ARNT: variants seen among roughly 807,000 people sequenced by gnomAD.
ARNT encodes aryl hydrocarbon receptor nuclear translocator.
A neutral mutation model predicts 105.0 loss-of-function variants in ARNT; 30 were observed. The ratio of observed to expected loss-of-function variants is 0.29; its 90% CI spans 0.21 to 0.39. The LOEUF (loss-of-function observed/expected upper bound fraction) is 0.39, where lower values mean the gene tolerates loss of function less well. ARNT is among the 10% of genes least tolerant of loss of function. The pLI, the probability that ARNT is intolerant of heterozygous loss-of-function variation, is 1.00. For missense variants in ARNT, 748 were observed against 978.7 expected, an observed-to-expected ratio of 0.76 and a Z score of 3.15; for synonymous variants, 304 against 344.0, an observed-to-expected ratio of 0.88 and a Z score of 1.29.
At position 150,817,115 on chromosome 1, in the gene ARNT, T is replaced by C. The variant is rs760792350; in HGVS notation, c.1666A>G (p.Arg556Gly). The part of the protein sequence containing the change: ...DGLFAQDRDP[R>G]FSEIYHNINA... The stretch of plus-strand genomic sequence containing the variant: ...ATGTTGTGATAGATTTCTGAAAATC[T>C]TGGATCTCTATCCTGGGCAAATAAA... Residue 556 changes from arginine to glycine, a missense_variant, in exon 17 of 22, where the codon AGA becomes GGA. By Grantham distance (125) the Arg-to-Gly change is moderately radical (BLOSUM62 -2). Around this residue, in one of 4 missense-constraint regions of ARNT, gnomAD observed 360 missense variants for 411.9 expected, o/e 0.87. Coordinates refer to ENST00000358595, the MANE Select transcript of ARNT (RefSeq NM_001668.4). The C allele has an allele frequency of 6.2e-7, 1 of 1,614,212 alleles. No homozygotes were observed. The highest frequency in any genetic ancestry group is 8.5e-7 in the Non-Finnish European group (1 of 1,180,048).
intron 9 of ARNT, 96 bp from the exon 10 acceptor site, chr1:150,831,999 A>C (rs1659438267): frequency 1.2e-6 from 1 of 853,348 alleles, no homozygotes; most frequent in African/African-American, 1.7e-5. Flanking sequence ...TTATGCTCTT[A>C]GGAGTTTAGA....
intron 2 of ARNT, among the ~76,000 whole-genome samples, chr1:150,855,067 A>G (rs1187119389): frequency 6.6e-6 from 1 of 152,140 alleles, no homozygotes; most frequent in Non-Finnish European, 1.5e-5. Context: ...AAGTGCTGGC[A>G]CTACAGGTAT....
At chr1:150,843,730 C>T (rs116079458) in intron 4 of ARNT, among the ~76,000 whole-genome samples, 3 of 152,188 alleles carry the variant, frequency 2.0e-5, no homozygotes, top group Admixed American at 1.3e-4. Context: ...CCACCACTCC[C>T]GGCCTCTTAC....
intron 14 of ARNT, chr1:150,818,404 C>G (rs1261095418): frequency 6.3e-6 from 1 of 157,758 alleles, no homozygotes; most frequent in Non-Finnish European, 1.4e-5. Context: ...TTTATTCCTT[C>G]TCTTTGTATT....
At chr1:150,868,715 C>T (rs1666988172) in intron 1 of ARNT, among the ~76,000 whole-genome samples, 3 of 151,440 alleles carry the variant, frequency 2.0e-5, no homozygotes, top group Admixed American at 2.0e-4. Context: ...TCCTGGCCAA[C>T]ATGGTGAAAC....
Position 150,809,911 on chromosome 1 carries a change from G to C in ARNT, c.*2110C>G. The C allele has an allele frequency of 4.5e-6, 1 of 223,292 alleles. No individual in the cohort carries two copies. The highest frequency in any genetic ancestry group is 5.7e-5 in the Admixed American group (1 of 17,430). The allele number at this position is 223,292 out of a possible 1,614,324, so 13.8% of individuals were successfully genotyped here. ...GTGTCAGGATCAGGAGGACAAGTGA[G>C]GGGGGAGGCGTGCAATGTGATCAGA... On this transcript the variant is annotated 3_prime_UTR_variant, in exon 22 of 22. Transcript: ENST00000358595.
At chr1:150,848,831 C>G (rs1662759678) in intron 3 of ARNT, among the ~76,000 whole-genome samples, 1 of 152,132 alleles carries the variant, frequency 6.6e-6, no homozygotes, top group Admixed American at 6.5e-5. Context: ...CAGGCCCAGC[C>G]TGAAATTTCT....
Position 150,811,827 on chromosome 1 carries a change from C to G in ARNT, c.*194G>C. On this transcript the variant is annotated 3_prime_UTR_variant, in exon 22 of 22. Transcript: ENST00000358595. ...GACAGTCCTAAAAGCCTTGGAGATT[C>G]ATTCCATTTCTTCTATAAATGTTAC... The G allele has an allele frequency of 2.6e-6, 1 of 390,642 alleles. No homozygotes were observed. 24.2% of individuals were successfully genotyped at this position (390,642 alleles called of 1,614,324 possible). A position where few individuals can be genotyped will look rare whatever the true frequency, so the allele number is the denominator to read the frequency against.
intron 1 of ARNT, among the ~76,000 whole-genome samples, chr1:150,874,427 T>C (rs968626674): frequency 1.3e-5 from 2 of 152,218 alleles, no homozygotes; most frequent in African/African-American, 2.4e-5. Flanking sequence ...GTGTCTCACA[T>C]CTGTATTCCC....
chr1:150,815,324 G>A (rs1015234831), intron 19 of ARNT, among the ~76,000 whole-genome samples: 14 of 151,944 alleles, frequency 9.2e-5, no homozygotes, highest in Middle Eastern at 3.4e-3. Flanking sequence ...CGAGGAGGGC[G>A]GATCACGAGG....
chr1:150,822,188 T>C lies in ARNT; in HGVS notation c.1394+1006A>G, dbSNP rs6679794. ...CAAATATCAAAAGAATTTTCTAATA[T>C]ATTTACTGAAAAAAATCCATGTATA... On this transcript the variant is annotated intron_variant, in intron 14 of 21. Coordinates refer to ENST00000358595, the MANE Select transcript of ARNT (RefSeq NM_001668.4). 4.3e-3 allele frequency among the ~76,000 whole-genome samples: 648 copies of C among 152,262 alleles called. 3 individuals are homozygous for C. Among genetic ancestry groups the C allele is most frequent in the African/African-American group, 0.015 (623 of 41,536 alleles).
chr1:150,834,361 G>T (rs587699643), intron 8 of ARNT, among the ~76,000 whole-genome samples, 177 bp downstream of exon 8: 1 of 152,166 alleles, frequency 6.6e-6, no homozygotes, highest in East Asian at 1.9e-4. Context: ...ATAGTGTCTG[G>T]CAAGTTCAGA....
intron 3 of ARNT, among the ~76,000 whole-genome samples, chr1:150,846,886 T>C (rs587689241): frequency 6.6e-6 from 1 of 152,344 alleles, no homozygotes; most frequent in African/African-American, 2.4e-5. Context: ...CTTTTTGTTA[T>C]TGGCTTATTC....
chr1:150,871,761 T>C (rs910567744), intron 1 of ARNT, among the ~76,000 whole-genome samples: 11 of 149,774 alleles, frequency 7.3e-5, no homozygotes, highest in Non-Finnish European at 1.0e-4. Flanking sequence ...AATAAAAAAT[T>C]AGCCGGCGTG....
At chr1:150,871,339 C>T (rs1417628638) in intron 1 of ARNT, among the ~76,000 whole-genome samples, 1 of 135,550 alleles carries the variant, frequency 7.4e-6, no homozygotes, top group Non-Finnish European at 1.5e-5. Flanking sequence ...CTCACTCTGT[C>T]GCCCAGGCTA....
rs140287362 is a variant in ARNT at position 150,821,362 on chromosome 1, C to T, written c.1394+1832G>A. ...CAAGGTTTCAGTATTGCACTCAACA[C>T]GATGAAAAATATGCAAGAACCATGA... is the stretch of plus-strand genomic sequence containing the variant. On this transcript the variant is annotated intron_variant, in intron 14 of 21. Transcript: ENST00000358595. Among the ~76,000 whole-genome samples, 164 of 152,268 alleles carry T rather than the reference C, an allele frequency of 1.1e-3. 1 individual carries two copies. The highest frequency in any genetic ancestry group is 3.8e-3 in the African/African-American group (156 of 41,560).
intron 19 of ARNT, among the ~76,000 whole-genome samples, chr1:150,814,470 T>G (rs964284046): frequency 2.0e-5 from 3 of 152,160 alleles, no homozygotes; most frequent in Non-Finnish European, 4.4e-5. Context: ...TAATAAAAAT[T>G]GTAAGAATTA....
At chr1:150,833,084 T>C (rs1659630097) in intron 8 of ARNT, among the ~76,000 whole-genome samples, 1 of 152,250 alleles carries the variant, frequency 6.6e-6, no homozygotes, top group African/African-American at 2.4e-5. Flanking sequence ...CAATGTGAGA[T>C]GATGAAATCA....
intron 4 of ARNT, among the ~76,000 whole-genome samples, chr1:150,845,993 G>T (rs368646698): frequency 1.3e-5 from 2 of 152,144 alleles, no homozygotes; most frequent in African/African-American, 4.8e-5. Context: ...TCCATAATTT[G>T]TGCTCCTATG....
Sources: gnomAD v4.1 joint callset for allele counts (sites outside exome capture counted in the v4.1 genomes callset) on GRCh38, gnomAD v4.1.1 for gene constraint, gnomAD v4.1.1 regional missense constraint, MANE v1.5 for transcripts, NCBI Gene and HGNC (gene_info 2026-07-23, HGNC 2026-07-21) for gene names.